XAF1: variants seen among roughly 807,000 people sequenced by gnomAD.
XAF1 encodes the protein XIAP-associated factor 1.
XAF1 carries 32 observed loss-of-function variants against 32.3 expected under a neutral mutation model. The ratio of observed to expected loss-of-function variants is 0.99; its 90% CI spans 0.75 to 1.33. XAF1 has a LOEUF of 1.33. XAF1 is among the 40% of genes most tolerant of loss of function. XAF1 has a pLI of 0.00. For synonymous variants in XAF1, 120 were observed against 125.9 expected (o/e 0.95, Z 0.31); for missense variants, 379 against 366.0 (o/e 1.04, Z -0.29).
Position 6,758,240 on chromosome 17 carries a change from G to A in XAF1, c.168+16G>A, listed in dbSNP as rs1181077352. On this transcript the variant is annotated intron_variant, in intron 2 of 6. Coordinates refer to ENST00000361842, the MANE Select transcript of XAF1 (RefSeq NM_017523.5). Reference sequence around the variant, plus strand: ...GCACCAGCAGGTGAGGAGGCGGCAGGGAGGATGGGGTCTGAGAGTCAAGGT... The same window carrying A: ...GCACCAGCAGGTGAGGAGGCGGCAGAGAGGATGGGGTCTGAGAGTCAAGGT... 1.2e-6 allele frequency: 2 copies of A among 1,613,826 alleles called. No homozygotes were observed. Among genetic ancestry groups the A allele is most frequent in the African/African-American group, 1.3e-5 (1 of 75,028 alleles).
rs1376689638 is a variant in XAF1, at chr17:6,758,205, G to A, written c.149G>A (p.Cys50Tyr). ...PVPKETMEEH[C>Y]KLEHQQVGCT... The stretch of plus-strand genomic sequence containing the variant: ...CCCAAGGAAACCATGGAGGAGCACT[G>A]CAAGCTTGAGCACCAGCAGGTGAGG... The change falls in exon 2 of 7, where the codon TGC (cysteine) becomes TAC (tyrosine). Residue 50 changes from cysteine (C) to tyrosine (Y), a missense_variant. Transcript: ENST00000361842. The A allele has an allele frequency of 1.2e-6, 2 of 1,614,072 alleles. No individual in the cohort carries two copies. Among genetic ancestry groups the A allele is most frequent in the East Asian group, 2.2e-5 (1 of 44,890 alleles).
upstream of XAF1, chr17:6,755,517 G>A (rs563135313): frequency 3.0e-6 from 3 of 990,106 alleles, no homozygotes; most frequent in Non-Finnish European, 3.6e-6. Flanking sequence ...GGACCCCCAG[G>A]AGGATACACA....
intron 1 of XAF1, 147 bp from the exon 2 acceptor site, chr17:6,757,942 A>T (rs1321023738): frequency 1.9e-6 from 2 of 1,069,150 alleles, no homozygotes; most frequent in East Asian, 2.4e-5. Context: ...GGACCCACAC[A>T]GGGAGTGTGG....
At chr17:6,756,045 C>A, upstream of XAF1, 1 of 1,613,532 alleles carries the variant, frequency 6.2e-7, no homozygotes, top group East Asian at 2.2e-5. Context: ...CTGCAAGAAA[C>A]GAAACTCAAC....
At chr17:6,759,625 A>G (rs763155330) in intron 2 of XAF1, 37 bp from the exon 3 acceptor site, 27 of 1,598,476 alleles carry the variant, frequency 1.7e-5, no homozygotes, top group Non-Finnish European at 2.1e-5. Flanking sequence ...GTGGACCCAC[A>G]TCTGGTGTGT....
chr17:6,770,440 C>T (rs1443847290), intron 5 of XAF1, among the ~76,000 whole-genome samples: 1 of 152,174 alleles, frequency 6.6e-6, no homozygotes, highest in Non-Finnish European at 1.5e-5. Flanking sequence ...CAAACCATAG[C>T]AACCAGTCAG....
intron 6 of XAF1, chr17:6,772,849 T>C (rs965086159): frequency 2.2e-5 from 8 of 362,816 alleles, no homozygotes; most frequent in Admixed American, 2.0e-4. Flanking sequence ...CTTATTTTTA[T>C]TAATGGCTGC....
At chr17:6,761,102 C>T (rs565933554) in intron 4 of XAF1, among the ~76,000 whole-genome samples, 3 of 152,114 alleles carry the variant, frequency 2.0e-5, no homozygotes, top group Admixed American at 6.5e-5. Flanking sequence ...TGCAGTGAGT[C>T]GAGATCGTGC....
In XAF1 at chr17:6,770,631, T is replaced by A; in HGVS notation, c.508-12T>A. Reference sequence around the variant, plus strand: ...GTCATTTTAAAATTTGATATATTATTCACAATTGCAGGGTAAATGTTGTCC... The same window carrying A: ...GTCATTTTAAAATTTGATATATTATACACAATTGCAGGGTAAATGTTGTCC... On this transcript the variant is annotated splice_polypyrimidine_tract_variant and intron_variant, in intron 5 of 6. Coordinates refer to ENST00000361842, the MANE Select transcript of XAF1 (RefSeq NM_017523.5). 8 of 1,550,694 alleles carry A rather than the reference T, an allele frequency of 5.2e-6. No individual in the cohort carries two copies. The highest frequency in any genetic ancestry group is 6.9e-6 in the Non-Finnish European group (8 of 1,153,538).
chr17:6,760,271 C>T, intron 3 of XAF1, 135 bp from the exon 4 acceptor site: 1 of 826,210 alleles, frequency 1.2e-6, no homozygotes, highest in South Asian at 1.9e-5. Context: ...TTGCTTGAAC[C>T]CGGGAGGCGG....
chr17:6,758,719 G>A (rs1974925101), intron 2 of XAF1: 3 of 277,464 alleles, frequency 1.1e-5, no homozygotes, highest in South Asian at 8.8e-5. Context: ...CTCCCTGCAG[G>A]AGAGATGGGG....
intron 6 of XAF1, among the ~76,000 whole-genome samples, chr17:6,772,120 A>T (rs1976077181): frequency 6.6e-6 from 1 of 152,104 alleles, no homozygotes; most frequent in African/African-American, 2.4e-5. Flanking sequence ...AAATGGGTTC[A>T]TTTCATATTT....
Position 6,756,105 on chromosome 17 carries a change from G to A in XAF1, c.27G>A (p.Arg9=), listed in dbSNP as rs746811273. The change falls in exon 1 of 7, where the codon AGG becomes AGA. Residue 9 remains arginine (R), a synonymous_variant. Transcript: ENST00000361842. The part of the protein sequence containing the change: MEGDFSVC[R]NCKRHVVSAN... ...TGGAAGGAGACTTCTCGGTGTGCAG[G>A]AACTGGTAAGAAAGTGCTTTCTCCA... 12 of 1,613,958 alleles carry A rather than the reference G, an allele frequency of 7.4e-6. No homozygotes were observed. In the South Asian group the frequency reaches 1.3e-4, roughly 18 times the overall value.
intron 5 of XAF1, among the ~76,000 whole-genome samples, chr17:6,764,801 C>T (rs566790810): frequency 6.6e-6 from 1 of 152,288 alleles, no homozygotes; most frequent in East Asian, 1.9e-4. Context: ...CATTCTTATT[C>T]CCACTCCAGT....
At chr17:6,760,713 G>A in intron 4 of XAF1, 112 bp downstream of exon 4, 1 of 1,102,354 alleles carries the variant, frequency 9.1e-7, no homozygotes, top group Non-Finnish European at 1.3e-6. Context: ...TGTATTTGCT[G>A]TATAGATCTC....
chr17:6,773,140 A>G lies in XAF1; in HGVS notation c.877A>G (p.Lys293Glu). 1 of 1,605,454 alleles carries G rather than the reference A, an allele frequency of 6.2e-7. No individual in the cohort carries two copies. The highest frequency in any genetic ancestry group is 1.1e-5 in the South Asian group (1 of 88,794). Residue 293 changes from lysine to glutamate, a missense_variant, in exon 7 of 7, where the codon AAA becomes GAA. Lys to Glu is a moderately conservative substitution (Grantham distance 56). Transcript: ENST00000361842. The stretch of plus-strand genomic sequence containing the variant: ...GAAATGCCGGTGGTTAGCTTCATCA[A>G]AAGGAAAACAAGTGAGAAATTTCAG... ...QEKCRWLASS[K>E]GKQVRNFS
chr17:6,760,925 C>T (rs888630637), intron 4 of XAF1, among the ~76,000 whole-genome samples: 5 of 152,096 alleles, frequency 3.3e-5, no homozygotes, highest in Non-Finnish European at 7.4e-5. Flanking sequence ...GAGGCTGAGG[C>T]GGGCAGATCA....
At chr17:6,762,323 G>GC in intron 5 of XAF1, 83 bp downstream of exon 5, 1 of 1,229,658 alleles carries the variant, frequency 8.1e-7, no homozygotes, top group South Asian at 1.5e-5. Context: ...CAGATTCTGG[G>GC]CCCAATTTTA....
At chr17:6,773,070 C>A in intron 6 of XAF1, 43 bp from the exon 7 acceptor site, 2 of 1,544,578 alleles carry the variant, frequency 1.3e-6, no homozygotes, top group Non-Finnish European at 1.8e-6. Context: ...GCTAGCACTT[C>A]TTACTTTAAC....
Sources: gnomAD v4.1 joint callset for allele counts (sites outside exome capture counted in the v4.1 genomes callset) on GRCh38, gnomAD v4.1.1 for gene constraint, MANE v1.5 for transcripts, NCBI Gene and HGNC (gene_info 2026-07-23, HGNC 2026-07-21) for gene names.